GSK3B: variants seen among roughly 807,000 people sequenced by gnomAD.
GSK3B encodes glycogen synthase kinase 3 beta.
In GSK3B, 15 loss-of-function variants were observed where a neutral mutation model predicts 56.4. That is an observed-to-expected ratio of 0.27 (90% CI 0.18 to 0.41). GSK3B has a LOEUF of 0.41. GSK3B is among the 10% of genes least tolerant of loss of function. The probability of loss-of-function intolerance (pLI) is 1.00; values close to 1 mark genes in which losing one functional copy is unlikely to be tolerated. For synonymous variants in GSK3B, 181 were observed against 188.9 expected (o/e 0.96, Z 0.34); for missense variants, 300 against 513.4 (o/e 0.58, Z 4.02).
chr3:119,921,574 C>T (rs1264826723), intron 4 of GSK3B, among the ~76,000 whole-genome samples: 2 of 152,104 alleles, frequency 1.3e-5, no homozygotes, highest in Non-Finnish European at 2.9e-5. Context: ...AGAAATTCAG[C>T]AAAATCCAGA....
At chr3:120,066,391 G>A (rs1467327436) in intron 1 of GSK3B, among the ~76,000 whole-genome samples, 1 of 152,094 alleles carries the variant, frequency 6.6e-6, no homozygotes, top group Non-Finnish European at 1.5e-5. Flanking sequence ...GATAAAAAGA[G>A]CCAACATGAC....
At chr3:119,885,534 C>T (rs555245621) in intron 7 of GSK3B, among the ~76,000 whole-genome samples, 1 of 152,112 alleles carries the variant, frequency 6.6e-6, no homozygotes, top group Admixed American at 6.5e-5. Flanking sequence ...TCATTTTCCA[C>T]AGAACTAGAA....
intron 7 of GSK3B, among the ~76,000 whole-genome samples, chr3:119,880,564 G>C (rs1352640043): frequency 1.3e-5 from 2 of 152,128 alleles, no homozygotes; most frequent in Non-Finnish European, 2.9e-5. Flanking sequence ...AAGATAGATG[G>C]AAGGATATTC....
chr3:119,978,524 G>T (rs1043893888), intron 2 of GSK3B, among the ~76,000 whole-genome samples: 3 of 152,104 alleles, frequency 2.0e-5, no homozygotes, highest in East Asian at 1.9e-4. Flanking sequence ...GCCCAAACCC[G>T]GGATGAGTGC....
intron 2 of GSK3B, among the ~76,000 whole-genome samples, chr3:119,980,815 G>C (rs1490029497): frequency 6.6e-6 from 1 of 152,162 alleles, no homozygotes; most frequent in African/African-American, 2.4e-5. Context: ...GTTATCATCT[G>C]TGACATTAAA....
intron 9 of GSK3B, among the ~76,000 whole-genome samples, chr3:119,844,627 C>T (rs1355399452): frequency 6.6e-6 from 1 of 152,078 alleles, no homozygotes; most frequent in African/African-American, 2.4e-5. Context: ...AAGACTAAAC[C>T]AAGAAGAAGT....
intron 1 of GSK3B, among the ~76,000 whole-genome samples, chr3:120,089,752 CA>C (rs1324016630): frequency 1.3e-5 from 2 of 152,122 alleles, no homozygotes; most frequent in African/African-American, 4.8e-5. Context: ...AAAAGTGCCA[CA>C]AACAGTCCCT....
In GSK3B at chr3:120,068,428, C is replaced by T. The variant is rs1335587707; in HGVS notation, c.88+24919G>A. Among the ~76,000 whole-genome samples the T allele has an allele frequency of 3.4e-5, 5 of 146,914 alleles. No homozygotes were observed. The East Asian group carries it at 6.0e-4, about 18-fold the overall frequency. ...AAAAAAAAATTTGGGACGCCAGGAG[C>T]GGTGGCTCATGCCTGTATTCCCAGC... On this transcript the variant is annotated intron_variant, in intron 1 of 10. Coordinates refer to ENST00000264235, the MANE Select transcript of GSK3B (RefSeq NM_001146156.2).
chr3:120,036,223 G>A (rs2058021477), intron 1 of GSK3B, among the ~76,000 whole-genome samples: 1 of 152,058 alleles, frequency 6.6e-6, no homozygotes, highest in Non-Finnish European at 1.5e-5. Flanking sequence ...ATAGCTCACT[G>A]GTACTCTCTA....
At chr3:119,848,605 C>T (rs1291521619) in intron 9 of GSK3B, among the ~76,000 whole-genome samples, 1 of 152,066 alleles carries the variant, frequency 6.6e-6, no homozygotes, top group Admixed American at 6.6e-5. Flanking sequence ...TAATCCCTTC[C>T]CCTAAGACCC....
chr3:119,837,027 G>A (rs2055701761), intron 10 of GSK3B, among the ~76,000 whole-genome samples: 1 of 152,184 alleles, frequency 6.6e-6, no homozygotes, highest in Non-Finnish European at 1.5e-5. Context: ...TGGAGGGCAA[G>A]TTAGCTATCA....
intron 2 of GSK3B, among the ~76,000 whole-genome samples, chr3:119,963,707 G>C (rs553221098): frequency 1.3e-5 from 2 of 148,806 alleles, no homozygotes; most frequent in East Asian, 3.9e-4. Context: ...GAACAGAGCA[G>C]AAAATCCAGA....
chr3:119,897,716 G>A (rs1218690251), intron 7 of GSK3B, among the ~76,000 whole-genome samples: 1 of 146,498 alleles, frequency 6.8e-6, no homozygotes, highest in African/African-American at 2.6e-5. Context: ...AACAAATTAA[G>A]TACCAACTAA....
intron 3 of GSK3B, among the ~76,000 whole-genome samples, chr3:119,928,123 G>T (rs1034592091): frequency 6.6e-5 from 10 of 152,196 alleles, no homozygotes; most frequent in Admixed American, 2.0e-4. Context: ...GGAATAGGAG[G>T]TAGTTAATTC....
At chr3:120,079,334 AC>A (rs1559904433) in intron 1 of GSK3B, among the ~76,000 whole-genome samples, 1 of 146,622 alleles carries the variant, frequency 6.8e-6, no homozygotes, top group African/African-American at 2.6e-5. Flanking sequence ...ACACACACAC[AC>A]ACACACACAC....
At chr3:119,936,330 T>C (rs1341993704) in intron 3 of GSK3B, among the ~76,000 whole-genome samples, 2 of 137,984 alleles carry the variant, frequency 1.4e-5, no homozygotes, top group African/African-American at 2.9e-5. Context: ...TATAAATATA[T>C]ATAAAAAATA....
intron 4 of GSK3B, among the ~76,000 whole-genome samples, chr3:119,922,173 TTAGGTAGG>T (rs138607853): frequency 2.4e-4 from 27 of 112,314 alleles, no homozygotes; most frequent in African/African-American, 9.3e-4. Context: ...AGGAGGTAGG[TTAGGTAGG>T]TAGGTAGGTA....
intron 9 of GSK3B, among the ~76,000 whole-genome samples, chr3:119,847,985 T>C (rs1186525445): frequency 2.6e-5 from 4 of 152,230 alleles, no homozygotes; most frequent in East Asian, 3.8e-4. Context: ...AACATCTGTT[T>C]AAAGTGTCAC....
chr3:119,863,384 TAGAACTGG>T (rs772949605), intron 9 of GSK3B, 27 bp downstream of exon 9: 2 of 1,547,420 alleles, frequency 1.3e-6, no homozygotes, highest in Admixed American at 3.3e-5. Flanking sequence ...GTAGCTTTCC[TAGAACTGG>T]TGAAGAGGCT....
Sources: allele counts gnomAD v4.1 joint callset (sites outside exome capture counted in the v4.1 genomes callset), GRCh38; gene constraint gnomAD v4.1.1; transcripts MANE v1.5; gene names NCBI Gene and HGNC (gene_info 2026-07-23, HGNC 2026-07-21).